TBC1D19: variants seen among roughly 807,000 people sequenced by gnomAD.
TBC1D19 encodes the protein TBC1 domain family member 19, also known as TBC1 domain family, member 19.
TBC1D19 carries 60 observed loss-of-function variants against 89.0 expected under a neutral mutation model. The ratio of observed to expected loss-of-function variants is 0.67; its 90% CI spans 0.55 to 0.84. The LOEUF (loss-of-function observed/expected upper bound fraction) is 0.84. Ranked by LOEUF, TBC1D19 falls within the 40% of genes least tolerant of loss-of-function variation. The pLI, the probability that TBC1D19 is intolerant of heterozygous loss-of-function variation, is 0.00. For missense variants in TBC1D19, 500 were observed against 610.8 expected, an observed-to-expected ratio of 0.82 and a Z score of 1.91; for synonymous variants, 189 against 199.7, an observed-to-expected ratio of 0.95 and a Z score of 0.45.
intron 4 of TBC1D19, among the ~76,000 whole-genome samples, chr4:26,634,346 G>T (rs1742991588): frequency 6.6e-6 from 1 of 151,966 alleles, no homozygotes; most frequent in African/African-American, 2.4e-5. Flanking sequence ...GGGCAATATT[G>T]TGCTCAACAC....
intron 1 of TBC1D19, among the ~76,000 whole-genome samples, chr4:26,584,706 C>A (rs939761164): frequency 2.0e-5 from 3 of 152,172 alleles, no homozygotes; most frequent in South Asian, 4.1e-4. Context: ...TGGACTTGGG[C>A]CCCCAAGTAC....
chr4:26,794,003 C>T, the TBC1D19 span, among the ~76,000 whole-genome samples: 2 of 152,158 alleles, frequency 1.3e-5, no homozygotes, highest in African/African-American at 4.8e-5. Context: ...ATTAGCTAGT[C>T]TTGAGTTACA....
chr4:26,577,302 C>CGTGTGTGTGTGTCTGT (rs988092615), intron 1 of TBC1D19, among the ~76,000 whole-genome samples: 5 of 149,100 alleles, frequency 3.4e-5, no homozygotes, highest in African/African-American at 1.2e-4. Flanking sequence ...TGTGTGTGTG[C>CGTGTGTGTGTGTCTGT]GTGTGTGTGT....
At chr4:26,577,880 T>A (rs1228054190) in intron 1 of TBC1D19, among the ~76,000 whole-genome samples, 1 of 152,218 alleles carries the variant, frequency 6.6e-6, no homozygotes, top group Non-Finnish European at 1.5e-5. Context: ...AATAAACACA[T>A]GCATATTTTG....
intron 4 of TBC1D19, among the ~76,000 whole-genome samples, chr4:26,632,452 T>C (rs1442008287): frequency 6.6e-6 from 1 of 151,894 alleles, no homozygotes; most frequent in African/African-American, 2.4e-5. Flanking sequence ...AATATACTTA[T>C]TATTTATTAA....
At chr4:26,658,270 G>A (rs1744996214) in intron 7 of TBC1D19, among the ~76,000 whole-genome samples, 1 of 152,146 alleles carries the variant, frequency 6.6e-6, no homozygotes, top group Non-Finnish European at 1.5e-5. Flanking sequence ...TGTATAAGGT[G>A]TAAGGAAGGC....
chr4:26,815,687 C>T, the TBC1D19 span, among the ~76,000 whole-genome samples: 3,153 of 152,336 alleles, frequency 0.021, 47 homozygotes, highest in Non-Finnish European at 0.034. Context: ...CAGGACTCGT[C>T]AGTGCCTTGA....
intron 2 of TBC1D19, 74 bp from the exon 3 acceptor site, chr4:26,614,334 A>G: frequency 9.2e-7 from 1 of 1,087,008 alleles, no homozygotes; most frequent in Non-Finnish European, 1.3e-6. Flanking sequence ...TTTTATTGAG[A>G]TAAATTTAAT....
At chr4:26,842,320 T>TTTTTCTTTTC in the TBC1D19 span, among the ~76,000 whole-genome samples, 12 of 135,954 alleles carry the variant, frequency 8.8e-5, no homozygotes, top group African/African-American at 2.5e-4. Flanking sequence ...CTTGTTTTCC[T>TTTTTCTTTTC]TTTTCTTTTC....
intron 12 of TBC1D19, 130 bp downstream of exon 12, chr4:26,683,879 A>G (rs1713575198): frequency 2.9e-6 from 2 of 696,874 alleles, no homozygotes; most frequent in Middle Eastern, 4.2e-4. Flanking sequence ...GATTAGATTT[A>G]TACATATAAA....
intron 13 of TBC1D19, among the ~76,000 whole-genome samples, chr4:26,689,330 G>A (rs190922780): frequency 1.3e-5 from 2 of 151,946 alleles, no homozygotes; most frequent in East Asian, 3.9e-4. Context: ...TTAATATAAA[G>A]TTAGTTATTA....
upstream of TBC1D19, among the ~76,000 whole-genome samples, chr4:26,583,672 C>T (rs1739219907): frequency 6.6e-6 from 1 of 152,170 alleles, no homozygotes; most frequent in African/African-American, 2.4e-5. Flanking sequence ...AGCTAATCAT[C>T]ACAACATCCT....
At chr4:26,768,465 C>A in the TBC1D19 span, among the ~76,000 whole-genome samples, 3 of 151,990 alleles carry the variant, frequency 2.0e-5, no homozygotes, top group Non-Finnish European at 4.4e-5. Context: ...ACCAGACATG[C>A]AAAGAAGCAG....
intron 16 of TBC1D19, among the ~76,000 whole-genome samples, chr4:26,735,896 A>G (rs1009631669): frequency 6.6e-6 from 1 of 151,310 alleles, no homozygotes; most frequent in South Asian, 2.1e-4. Context: ...TCAGGAAACA[A>G]TAGGTGCTGG....
intron 13 of TBC1D19, among the ~76,000 whole-genome samples, chr4:26,712,733 A>C (rs1275449438): frequency 6.6e-6 from 1 of 152,060 alleles, no homozygotes; most frequent in Non-Finnish European, 1.5e-5. Flanking sequence ...GCTTCAACTC[A>C]TGGCACAAAA....
At chr4:26,696,967 A>G (rs1212769884) in intron 13 of TBC1D19, among the ~76,000 whole-genome samples, 1 of 152,186 alleles carries the variant, frequency 6.6e-6, no homozygotes, top group African/African-American at 2.4e-5. Context: ...GCAACAGCAA[A>G]CACATTCAAA....
At chr4:26,757,257 C>T (rs1719301627), downstream of TBC1D19, among the ~76,000 whole-genome samples, 1 of 152,150 alleles carries the variant, frequency 6.6e-6, no homozygotes, top group Admixed American at 6.5e-5. Flanking sequence ...TCAAGTGATC[C>T]ACCCGCCTCA....
At chr4:26,836,538 T>C in the TBC1D19 span, among the ~76,000 whole-genome samples, 1 of 152,214 alleles carries the variant, frequency 6.6e-6, no homozygotes, top group African/African-American at 2.4e-5. Flanking sequence ...TATATTATGC[T>C]CTGTAGAGGT....
At chr4:26,761,798 A>G in the TBC1D19 span, among the ~76,000 whole-genome samples, 1 of 152,274 alleles carries the variant, frequency 6.6e-6, no homozygotes, top group African/African-American at 2.4e-5. Flanking sequence ...ATTTTTCAAT[A>G]TTTATAAACA....
Sources: allele counts gnomAD v4.1 joint callset (sites outside exome capture counted in the v4.1 genomes callset), GRCh38; gene constraint gnomAD v4.1.1; transcripts MANE v1.5; gene names NCBI Gene and HGNC (gene_info 2026-07-23, HGNC 2026-07-21).